The following AGAP1 variants were observed in gnomAD, a reference collection of about 807,000 sequenced individuals.
The protein encoded by AGAP1 is arf-GAP with GTPase, ANK repeat and PH domain-containing protein 1.
In AGAP1, 29 loss-of-function variants were observed where a neutral mutation model predicts 105.3. The observed-to-expected ratio is 0.28, with a 90% CI of 0.21 to 0.38. The LOEUF is 0.38. Among genes scored for constraint, AGAP1 ranks in the 10% least tolerant of loss-of-function variants. AGAP1 has a pLI of 1.00. For synonymous variants in AGAP1, 509 were observed against 485.9 expected, an observed-to-expected ratio of 1.05 and a Z score of -0.63; for missense variants, 998 against 1,165.1, an observed-to-expected ratio of 0.86 and a Z score of 2.09.
chr2:235,937,398 G>A (rs4663220), intron 12 of AGAP1, among the ~76,000 whole-genome samples: 1 of 151,992 alleles, frequency 6.6e-6, no homozygotes. Context: ...TCAGAATGTT[G>A]TAACTTTGTA....
At chr2:235,814,526 A>T (rs1017842223) in intron 9 of AGAP1, among the ~76,000 whole-genome samples, 13 of 152,226 alleles carry the variant, frequency 8.5e-5, no homozygotes, top group African/African-American at 3.1e-4. Context: ...CTTGTGTGAC[A>T]TGCCCTGGGT....
rs201304061 is a variant in AGAP1 at position 235,721,889 on chromosome 2, GCTCCATCCCAGAGGGTAA to G, written c.310+4247_310+4264del. The stretch of plus-strand genomic sequence containing the variant: ...CAGCAGATACATCAGATGCATTTTA[GCTCCATCCCAGAGGGTAA>G]CATCTGCTGTCTTAATTGTGTGATG... On this transcript the variant is annotated intron_variant, in intron 3 of 17. Coordinates refer to ENST00000304032, the MANE Select transcript of AGAP1 (RefSeq NM_001037131.3). The surrounding 1 kb of genome is among the most constrained non-coding windows in gnomAD (Gnocchi z 4.5). Among the ~76,000 whole-genome samples, 88 of 152,294 alleles carry G rather than the reference GCTCCATCCCAGAGGGTAA, an allele frequency of 5.8e-4. No individual in the cohort carries two copies. The East Asian group carries it at 0.016, about 27-fold the overall frequency.
chr2:235,518,961 C>T (rs534696159), intron 1 of AGAP1, among the ~76,000 whole-genome samples: 1 of 152,338 alleles, frequency 6.6e-6, no homozygotes, highest in Admixed American at 6.5e-5. Context: ...TGGCTTCACA[C>T]TGTTTGGGAA....
intron 2 of AGAP1, among the ~76,000 whole-genome samples, chr2:235,711,691 A>T (rs1950864525): frequency 6.6e-6 from 1 of 152,152 alleles, no homozygotes; most frequent in Non-Finnish European, 1.5e-5. Context: ...ACTCGTCCTC[A>T]TCGGCACCCC....
At chr2:235,820,948 C>T (rs182432606) in intron 9 of AGAP1, among the ~76,000 whole-genome samples, 1 of 152,274 alleles carries the variant, frequency 6.6e-6, no homozygotes, top group African/African-American at 2.4e-5. Context: ...CTGCTATAGT[C>T]CTGAAACTTG....
At position 235,875,682 on chromosome 2, in the gene AGAP1, A is replaced by G. The variant is rs1016029270; in HGVS notation, c.1051-7663A>G. ...TCCTGTTTCCCATCTGCATTTGCTT[A>G]TGGGGCGCCATGACACCAACACATG... is the stretch of plus-strand genomic sequence containing the variant. On this transcript the variant is annotated intron_variant, in intron 9 of 17. Transcript: ENST00000304032. This position sits in a 1 kb window ranked among gnomAD's most constrained non-coding sequence, Gnocchi z 4.0. 2.0e-5 allele frequency among the ~76,000 whole-genome samples: 3 copies of G among 152,152 alleles called. No individual in the cohort carries two copies. The highest frequency in any genetic ancestry group is 6.5e-5 in the Admixed American group (1 of 15,290).
At chr2:235,706,464 G>A (rs971043683) in intron 1 of AGAP1, among the ~76,000 whole-genome samples, 2 of 151,938 alleles carry the variant, frequency 1.3e-5, no homozygotes, top group Admixed American at 1.3e-4. Flanking sequence ...TCCTGACCTC[G>A]TGATCCGCCC....
rs576086324 is a variant in AGAP1, at chr2:235,964,104, G to A, written c.1484-4358G>A. Among the ~76,000 whole-genome samples the A allele has an allele frequency of 4.8e-4, 73 of 152,252 alleles. No individual in the cohort carries two copies. In the South Asian group the frequency reaches 0.014, roughly 30 times the overall value. ...ATTGAGATAAGCGACTGGCAGCCTC[G>A]TGCAGAAGGTCCTAACTGTGGGCTC... On this transcript the variant is annotated intron_variant, in intron 12 of 17. Transcript: ENST00000304032. This position sits in a 1 kb window ranked among gnomAD's most constrained non-coding sequence, Gnocchi z 4.6.
rs973584162 is a variant in AGAP1, at chr2:236,096,886, T to C, written c.2115-23306T>C. ...TGAGCCACCCTGCCGGGCCAAATGA[T>C]GCACTTTTAAACTGAAGTTTCATCC... is the stretch of plus-strand genomic sequence containing the variant. On this transcript the variant is annotated intron_variant, in intron 16 of 17. Transcript: ENST00000304032. This position sits in a 1 kb window ranked among gnomAD's most constrained non-coding sequence, Gnocchi z 4.4. Among the ~76,000 whole-genome samples the C allele has an allele frequency of 6.6e-6, 1 of 152,202 alleles. No homozygotes were observed. Among genetic ancestry groups the C allele is most frequent in the Admixed American group, 6.5e-5 (1 of 15,278 alleles).
intron 1 of AGAP1, among the ~76,000 whole-genome samples, chr2:235,520,158 T>A (rs1559219480): frequency 1.3e-5 from 2 of 152,236 alleles, no homozygotes; most frequent in African/African-American, 4.8e-5. Context: ...CTCTAAAAGA[T>A]GAAAACTTAA....
At position 236,130,080 on chromosome 2, in the gene AGAP1, A is replaced by G. The variant is rs942155734; in HGVS notation, c.*5958A>G. On this transcript the variant is annotated 3_prime_UTR_variant, in exon 18 of 18. Transcript: ENST00000304032. This position sits in a 1 kb window ranked among gnomAD's most constrained non-coding sequence, Gnocchi z 5.8. ...GCCAGAGTGGCCAGCAGAGACTTGC[A>G]TGGGCTCTGAAAGCCCCAGAGCTCA... 1.3e-5 allele frequency: 2 copies of G among 152,254 alleles called. No homozygotes were observed. The highest frequency in any genetic ancestry group is 4.1e-4 in the South Asian group (2 of 4,824). 9.4% of individuals were successfully genotyped at this position (152,254 alleles called of 1,614,324 possible).
In AGAP1 at chr2:236,080,317, T is replaced by C. The variant is rs1411506847; in HGVS notation, c.2114+31036T>C. Among the ~76,000 whole-genome samples, 2 of 152,232 alleles carry C rather than the reference T, an allele frequency of 1.3e-5. No individual in the cohort carries two copies. The highest frequency in any genetic ancestry group is 4.8e-5 in the African/African-American group (2 of 41,466). ...ACCCGGCAAAGATCAGACTGCCTCC[T>C]CCACCAAGTCTCTGGTCTAGATTCT... On this transcript the variant is annotated intron_variant, in intron 16 of 17. Transcript: ENST00000304032. The surrounding 1 kb of genome is among the most constrained non-coding windows in gnomAD (Gnocchi z 4.2).
chr2:235,558,164 G>A (rs1944032374), intron 1 of AGAP1, among the ~76,000 whole-genome samples: 1 of 152,140 alleles, frequency 6.6e-6, no homozygotes, highest in Non-Finnish European at 1.5e-5. Flanking sequence ...CAGTACACAC[G>A]CACATTTATG....
At chr2:235,514,442 CTCTCCAGCCTGG>C (rs1942294764) in intron 1 of AGAP1, among the ~76,000 whole-genome samples, 1 of 152,260 alleles carries the variant, frequency 6.6e-6, no homozygotes, top group African/African-American at 2.4e-5. Flanking sequence ...GCCCTGCCTG[CTCTCCAGCCTGG>C]TCTCACCCCA....
rs1477437263 is a variant in AGAP1 at position 235,759,354 on chromosome 2, A to G, written c.673+8866A>G. On this transcript the variant is annotated intron_variant, in intron 6 of 17. Transcript: ENST00000304032. ...CGGCTAATTTTTTTGTATTTTTAGT[A>G]GAGACGGGCTTTCACCGTGTTAGCC... Among the ~76,000 whole-genome samples, 5 of 151,344 alleles carry G rather than the reference A, an allele frequency of 3.3e-5. 1 individual carries two copies. The South Asian group carries it at 8.4e-4, about 25-fold the overall frequency.
rs376830932 is a variant in AGAP1, at chr2:235,933,028, GAACATAGAAGAT to G, written c.1483+2108_1483+2119del. 5.5e-3 allele frequency among the ~76,000 whole-genome samples: 845 copies of G among 152,274 alleles called. 7 individuals carry two copies. Among genetic ancestry groups the G allele is most frequent in the African/African-American group, 0.019 (805 of 41,548 alleles). On this transcript the variant is annotated intron_variant, in intron 12 of 17. Coordinates refer to ENST00000304032, the MANE Select transcript of AGAP1 (RefSeq NM_001037131.3). ...CCTGACCTCGTAAATCTTGAACCCT[GAACATAGAAGAT>G]AAGAAACAAGCAAGCGGATGCCCCA...
Position 235,660,269 on chromosome 2 carries a change from CG to C in AGAP1, c.164-48906del, listed in dbSNP as rs747004854. On this transcript the variant is annotated intron_variant, in intron 1 of 17. Coordinates refer to ENST00000304032, the MANE Select transcript of AGAP1 (RefSeq NM_001037131.3). The surrounding 1 kb of genome is among the most constrained non-coding windows in gnomAD (Gnocchi z 5.3). ...ACTGGAGACTTCATAGATAAACTTG[CG>C]GGGTCACGGTGAGGGAGGCACTGTG... is the stretch of plus-strand genomic sequence containing the variant. Among the ~76,000 whole-genome samples the C allele has an allele frequency of 6.6e-5, 10 of 152,112 alleles. No homozygotes were observed. The highest frequency in any genetic ancestry group is 1.3e-4 in the Non-Finnish European group (9 of 68,002).
Position 235,799,560 on chromosome 2 carries a change from C to A in AGAP1, c.957+38C>A. The A allele has an allele frequency of 1.9e-6, 3 of 1,604,324 alleles. No homozygotes were observed. The East Asian group carries it at 6.7e-5, about 36-fold the overall frequency. On this transcript the variant is annotated intron_variant, in intron 8 of 17. Transcript: ENST00000304032. This position sits in a 1 kb window ranked among gnomAD's most constrained non-coding sequence, Gnocchi z 5.0. ...CCTGGGTGGAGATTTGAATGCGATT[C>A]CGAAGCGTTCCCATTAACGTAAACC...
In AGAP1 at chr2:235,655,332, T is replaced by C. The variant is rs1222558621; in HGVS notation, c.164-53847T>C. ...TTGTGGTGTGTATTAATAAATTGAG[T>C]AGGTGAAAAAGACAATAGATGGAAA... is the stretch of plus-strand genomic sequence containing the variant. On this transcript the variant is annotated intron_variant, in intron 1 of 17. Transcript: ENST00000304032. The surrounding 1 kb of genome is among the most constrained non-coding windows in gnomAD (Gnocchi z 4.3). 2.0e-5 allele frequency among the ~76,000 whole-genome samples: 3 copies of C among 152,120 alleles called. No homozygotes were observed. The highest frequency in any genetic ancestry group is 4.4e-5 in the Non-Finnish European group (3 of 68,036).
Sources: allele counts gnomAD v4.1 joint callset (sites outside exome capture counted in the v4.1 genomes callset), GRCh38; gene constraint gnomAD v4.1.1; non-coding constraint Gnocchi (gnomAD v3.1); transcripts MANE v1.5; gene names NCBI Gene and HGNC (gene_info 2026-07-23, HGNC 2026-07-21).